The following RALYL variants were observed in gnomAD, a reference collection of about 807,000 sequenced individuals.
RALYL encodes the protein RNA-binding Raly-like protein.
In RALYL, 29 loss-of-function variants were observed where a neutral mutation model predicts 35.1. The observed-to-expected ratio is 0.83, with a 90% CI of 0.61 to 1.13. The LOEUF (loss-of-function observed/expected upper bound fraction) is 1.13, where lower values mean the gene tolerates loss of function less well. Among genes scored for constraint, RALYL ranks in the 50% most tolerant of loss-of-function variants. The pLI is 0.00. For synonymous variants in RALYL, 120 were observed against 127.6 expected (o/e 0.94, Z 0.40); for missense variants, 359 against 360.4 (o/e 1.00, Z 0.03).
chr8:84,816,032 CAAAAAAAA>C (rs5892931), intron 4 of RALYL, among the ~76,000 whole-genome samples: 6 of 84,196 alleles, frequency 7.1e-5, no homozygotes, highest in Non-Finnish European at 9.2e-5. Context: ...GACTCTGTCT[CAAAAAAAA>C]AAAAAAAAAA....
At chr8:84,712,443 CTCTCTCTCTT>C (rs1842332763) in intron 2 of RALYL, among the ~76,000 whole-genome samples, 2 of 150,066 alleles carry the variant, frequency 1.3e-5, no homozygotes, top group South Asian at 4.1e-4. Context: ...AATATATTAT[CTCTCTCTCTT>C]TCTCTCTCTG....
chr8:84,821,675 AC>A (rs1828567659), intron 4 of RALYL, among the ~76,000 whole-genome samples: 1 of 152,160 alleles, frequency 6.6e-6, no homozygotes, highest in South Asian at 2.1e-4. Context: ...GCTTTTAATG[AC>A]ATTTTCAAAG....
At chr8:84,484,716 C>T (rs2054423456) in intron 1 of RALYL, among the ~76,000 whole-genome samples, 1 of 152,088 alleles carries the variant, frequency 6.6e-6, no homozygotes, top group African/African-American at 2.4e-5. Flanking sequence ...TACATCTATT[C>T]ATTAAAAATA....
chr8:84,393,048 G>A (rs898908788), intron 1 of RALYL, among the ~76,000 whole-genome samples: 1 of 152,012 alleles, frequency 6.6e-6, no homozygotes, highest in African/African-American at 2.4e-5. Flanking sequence ...ATTATCCATT[G>A]CTATGTAACA....
At chr8:84,206,296 G>A (rs1047232250) in intron 1 of RALYL, among the ~76,000 whole-genome samples, 8 of 152,142 alleles carry the variant, frequency 5.3e-5, no homozygotes, top group African/African-American at 1.9e-4. Context: ...CAGCTTGAGT[G>A]CATGGGTGAT....
At chr8:84,617,342 T>C (rs368810347) in intron 2 of RALYL, among the ~76,000 whole-genome samples, 5 of 151,228 alleles carry the variant, frequency 3.3e-5, no homozygotes, top group East Asian at 1.9e-4. Flanking sequence ...GTATTTTATT[T>C]TCTTTGAAGC....
At chr8:84,370,247 C>G (rs1316722402) in intron 1 of RALYL, among the ~76,000 whole-genome samples, 1 of 152,050 alleles carries the variant, frequency 6.6e-6, no homozygotes, top group Non-Finnish European at 1.5e-5. Context: ...TACAGGGGAA[C>G]TACTACTACT....
At chr8:84,709,362 T>C (rs1021337245) in intron 2 of RALYL, among the ~76,000 whole-genome samples, 1 of 152,124 alleles carries the variant, frequency 6.6e-6, no homozygotes, top group Non-Finnish European at 1.5e-5. Flanking sequence ...GGTTACTACA[T>C]ATTAATATTT....
chr8:84,283,139 C>T (rs1836932816), intron 1 of RALYL, among the ~76,000 whole-genome samples: 1 of 151,878 alleles, frequency 6.6e-6, no homozygotes, highest in Admixed American at 6.6e-5. Context: ...ATATGTGAAA[C>T]TTAAGTGATG....
chr8:84,447,704 G>T (rs1417660617), intron 1 of RALYL, among the ~76,000 whole-genome samples: 2 of 152,030 alleles, frequency 1.3e-5, no homozygotes, highest in African/African-American at 4.8e-5. Context: ...AGGACACTTT[G>T]TGGGAAGCTC....
At chr8:84,582,057 A>G (rs1390872765) in intron 2 of RALYL, among the ~76,000 whole-genome samples, 1 of 152,108 alleles carries the variant, frequency 6.6e-6, no homozygotes, top group Non-Finnish European at 1.5e-5. Flanking sequence ...TTTATAATTA[A>G]TTAAACAAAA....
chr8:84,345,531 G>C (rs529414588), intron 1 of RALYL, among the ~76,000 whole-genome samples: 29 of 151,968 alleles, frequency 1.9e-4, no homozygotes, highest in Non-Finnish European at 4.0e-4. Flanking sequence ...TATGTATTCT[G>C]TAAGTAGTTA....
intron 1 of RALYL, among the ~76,000 whole-genome samples, chr8:84,267,912 T>C (rs1200510686): frequency 6.6e-6 from 1 of 152,232 alleles, no homozygotes; most frequent in Non-Finnish European, 1.5e-5. Flanking sequence ...ACTTTGACTA[T>C]GCTAGATTCA....
intron 2 of RALYL, among the ~76,000 whole-genome samples, chr8:84,703,578 C>A (rs28522382): frequency 0.19 from 29,468 of 152,006 alleles, 3,110 homozygotes; most frequent in Non-Finnish European, 0.23. Flanking sequence ...ATTAATTATA[C>A]ATAATGGAGA....
intron 8 of RALYL, among the ~76,000 whole-genome samples, chr8:84,912,142 C>A (rs1847611172): frequency 6.6e-6 from 1 of 151,998 alleles, no homozygotes; most frequent in African/African-American, 2.4e-5. Flanking sequence ...TATCTAGGGG[C>A]CTTGCCCTAA....
chr8:84,501,737 G>A (rs2056679813), intron 1 of RALYL, among the ~76,000 whole-genome samples: 1 of 150,822 alleles, frequency 6.6e-6, no homozygotes, highest in Admixed American at 6.6e-5. Context: ...AATATCTCTG[G>A]GGATGGCTCA....
At chr8:84,424,379 G>A (rs1408259216) in intron 1 of RALYL, among the ~76,000 whole-genome samples, 5 of 86,786 alleles carry the variant, frequency 5.8e-5, no homozygotes, top group East Asian at 2.8e-4. Flanking sequence ...CGTAGTTCTC[G>A]AGCCTTGGTT....
intron 1 of RALYL, among the ~76,000 whole-genome samples, chr8:84,431,931 A>G (rs571200819): frequency 6.6e-6 from 1 of 152,162 alleles, no homozygotes; most frequent in African/African-American, 2.4e-5. Context: ...GGATAATAAG[A>G]AAACAAGCAT....
intron 1 of RALYL, among the ~76,000 whole-genome samples, chr8:84,252,258 T>C (rs1228648996): frequency 4.6e-5 from 7 of 152,190 alleles, no homozygotes; most frequent in African/African-American, 1.7e-4. Context: ...TCCCTATTAC[T>C]ATCATTTATT....
Sources: allele counts gnomAD v4.1 joint callset (sites outside exome capture counted in the v4.1 genomes callset), GRCh38; gene constraint gnomAD v4.1.1; transcripts MANE v1.5; gene names NCBI Gene and HGNC (gene_info 2026-07-23, HGNC 2026-07-21).